Variants in MECR observed in about 807,000 individuals in gnomAD.
MECR encodes enoyl-[acyl-carrier-protein] reductase, mitochondrial.
Under a neutral mutation model 49.1 loss-of-function variants are expected in MECR, and 37 were observed. The observed-to-expected ratio is 0.75, with a 90% CI of 0.58 to 0.99. MECR has a LOEUF of 0.99. Ranked by LOEUF, MECR falls within the 50% of genes least tolerant of loss-of-function variation. The probability of loss-of-function intolerance (pLI) is 0.00; values close to 1 mark genes in which losing one functional copy is unlikely to be tolerated. For synonymous variants in MECR, 198 were observed against 191.1 expected (o/e 1.04, Z -0.30); for missense variants, 470 against 479.6 (o/e 0.98, Z 0.19).
chr1:29,171,217 C>A, the MECR span: 1 of 151,848 alleles, frequency 6.6e-6, no homozygotes, highest in South Asian at 2.1e-4. Context: ...CAACTAAGGA[C>A]AACATCATAA....
chr1:29,200,900 C>T (rs1465901595), intron 6 of MECR, among the ~76,000 whole-genome samples: 1 of 152,016 alleles, frequency 6.6e-6, no homozygotes, highest in Non-Finnish European at 1.5e-5. Context: ...GCAATCCTCC[C>T]ACCTCAGCCT....
chr1:29,196,994 G>A (rs1339659035), intron 7 of MECR, among the ~76,000 whole-genome samples: 3 of 152,148 alleles, frequency 2.0e-5, no homozygotes, highest in African/African-American at 7.2e-5. Context: ...AACACAGTGA[G>A]ACCATCTCAA....
intron 1 of MECR, among the ~76,000 whole-genome samples, chr1:29,220,510 C>T (rs1212540684): frequency 6.6e-6 from 1 of 152,220 alleles, no homozygotes; most frequent in Non-Finnish European, 1.5e-5. Flanking sequence ...TAGGAAAATA[C>T]TCCTGCAAGA....
chr1:29,171,139 C>T, the MECR span: 1 of 152,202 alleles, frequency 6.6e-6, no homozygotes, highest in South Asian at 2.1e-4. Context: ...CAGCCAACCA[C>T]GATAAAGCTG....
intron 3 of MECR, among the ~76,000 whole-genome samples, chr1:29,207,990 C>T (rs981479369): frequency 6.6e-6 from 1 of 151,898 alleles, no homozygotes; most frequent in Non-Finnish European, 1.5e-5. Flanking sequence ...AGCAGGTTGA[C>T]TCACATGTTT....
the MECR span, among the ~76,000 whole-genome samples, chr1:29,179,320 A>T: frequency 6.6e-6 from 1 of 152,186 alleles, no homozygotes; most frequent in Admixed American, 6.5e-5. Flanking sequence ...ACATTAAAAA[A>T]ATATTTTTTC....
intron 9 of MECR, among the ~76,000 whole-genome samples, chr1:29,194,987 G>A (rs1363845060): frequency 6.6e-6 from 1 of 151,994 alleles, no homozygotes; most frequent in African/African-American, 2.4e-5. Context: ...GTGGTGGCGT[G>A]TGCCTGTGGT....
downstream of MECR, among the ~76,000 whole-genome samples, chr1:29,189,002 C>T (rs1369610359): frequency 6.6e-6 from 1 of 151,604 alleles, no homozygotes; most frequent in Non-Finnish European, 1.5e-5. Flanking sequence ...TGCAATGGTG[C>T]GACCTCGACT....
In MECR at chr1:29,193,904, G is replaced by A; in HGVS notation, c.*118C>T. 1 of 1,258,286 alleles carries A rather than the reference G, an allele frequency of 7.9e-7. No homozygotes were observed. The allele number at this position is 1,258,286 out of a possible 1,614,324, so 77.9% of individuals were successfully genotyped here. On this transcript the variant is annotated 3_prime_UTR_variant, in exon 10 of 10. Coordinates refer to ENST00000263702, the MANE Select transcript of MECR (RefSeq NM_016011.5). ...GGCTGGCTTCACCATCCTCCTAATA[G>A]GAAGAGGCAGTGAGGAGAACAGTAG... is the stretch of plus-strand genomic sequence containing the variant.
chr1:29,214,366 T>A (rs190631622), intron 3 of MECR, among the ~76,000 whole-genome samples: 348 of 148,906 alleles, frequency 2.3e-3, no homozygotes, highest in Middle Eastern at 0.01. Flanking sequence ...TGGCCTTATT[T>A]TTTTTTTTTT....
At chr1:29,226,774 GT>G (rs1682170888) in intron 1 of MECR, among the ~76,000 whole-genome samples, 1 of 151,844 alleles carries the variant, frequency 6.6e-6, no homozygotes, top group South Asian at 2.1e-4. Flanking sequence ...AAACTGGAGT[GT>G]TTTGATTTTA....
intron 1 of MECR, among the ~76,000 whole-genome samples, chr1:29,218,737 GGT>G (rs1330086481): frequency 1.3e-5 from 2 of 152,126 alleles, no homozygotes; most frequent in Admixed American, 1.3e-4. Context: ...CAGGTGTGGT[GGT>G]GTGTGCCTGT....
rs553842620 is a variant in MECR, at chr1:29,226,448, A to T, written c.176+4283T>A. Among the ~76,000 whole-genome samples, 217 of 152,192 alleles carry T rather than the reference A, an allele frequency of 1.4e-3. 2 individuals carry two copies. In the South Asian group the frequency reaches 0.043, roughly 30 times the overall value. On this transcript the variant is annotated intron_variant, in intron 1 of 9. Coordinates refer to ENST00000263702, the MANE Select transcript of MECR (RefSeq NM_016011.5). ...ACCTTCTCTTCTGACCTTTTTCCCA[A>T]TTTTATAGTCCATCTCATTCTCAAA...
intron 1 of MECR, chr1:29,220,903 C>T: frequency 1.4e-5 from 14 of 985,332 alleles, no homozygotes; most frequent in Middle Eastern, 5.2e-4. Flanking sequence ...ACCTCTGGAA[C>T]AATTCCCTGG....
chr1:29,184,188 T>C, the MECR span, among the ~76,000 whole-genome samples: 1 of 149,886 alleles, frequency 6.7e-6, no homozygotes, highest in Non-Finnish European at 1.5e-5. Flanking sequence ...TTTTTTTTTT[T>C]TTTTTGAGAT....
At chr1:29,190,923 G>C (rs1350480863), downstream of MECR, among the ~76,000 whole-genome samples, 1 of 152,128 alleles carries the variant, frequency 6.6e-6, no homozygotes, top group East Asian at 1.9e-4. Flanking sequence ...ATTCCGGCCT[G>C]CCATGTACCC....
intron 2 of MECR, 109 bp from the exon 3 acceptor site, chr1:29,216,245 T>G: frequency 7.6e-7 from 1 of 1,319,006 alleles, no homozygotes; most frequent in Non-Finnish European, 1.1e-6. Flanking sequence ...CTTTGGACTG[T>G]CTGCCTAACC....
chr1:29,230,547 C>T (rs1430274448), intron 1 of MECR, 184 bp downstream of exon 1: 2 of 631,778 alleles, frequency 3.2e-6, no homozygotes, highest in Non-Finnish European at 5.4e-6. Context: ...AATTGCCTCT[C>T]GGGTCTTCAG....
At chr1:29,230,538 A>G (rs1683164941) in intron 1 of MECR, 193 bp downstream of exon 1, 1 of 605,476 alleles carries the variant, frequency 1.7e-6, no homozygotes, top group East Asian at 3.0e-5. Context: ...TACCCTGATA[A>G]TTGCCTCTCG....
Sources: gnomAD v4.1 joint callset for allele counts (sites outside exome capture counted in the v4.1 genomes callset) on GRCh38, gnomAD v4.1.1 for gene constraint, MANE v1.5 for transcripts, NCBI Gene and HGNC (gene_info 2026-07-23, HGNC 2026-07-21) for gene names.